CCSER1: variants seen among roughly 807,000 people sequenced by gnomAD.
CCSER1 encodes serine-rich coiled-coil domain-containing protein 1.
In CCSER1, 41 loss-of-function variants were observed where a neutral mutation model predicts 82.0. That is an observed-to-expected ratio of 0.50 (90% confidence interval 0.39 to 0.65). The LOEUF is 0.65. Among genes scored for constraint, CCSER1 ranks in the 30% least tolerant of loss-of-function variants. The pLI, the probability that CCSER1 is intolerant of heterozygous loss-of-function variation, is 0.00. For missense variants in CCSER1, 1,119 were observed against 1,064.2 expected, an observed-to-expected ratio of 1.05 and a Z score of -0.72; for synonymous variants, 414 against 383.9, an observed-to-expected ratio of 1.08 and a Z score of -0.92.
intron 10 of CCSER1, among the ~76,000 whole-genome samples, chr4:91,201,145 C>T (rs1193568231): frequency 6.6e-6 from 1 of 151,972 alleles, no homozygotes; most frequent in East Asian, 1.9e-4. Flanking sequence ...ATGGTGCTCC[C>T]TACATAACTA....
intron 10 of CCSER1, among the ~76,000 whole-genome samples, chr4:91,392,663 G>A (rs1361539240): frequency 2.0e-5 from 3 of 152,084 alleles, no homozygotes; most frequent in Middle Eastern, 3.4e-3. Flanking sequence ...TGTAAAACAT[G>A]CACATTTTTT....
At chr4:90,768,070 T>C (rs1399968616) in intron 7 of CCSER1, among the ~76,000 whole-genome samples, 1 of 152,166 alleles carries the variant, frequency 6.6e-6, no homozygotes, top group Admixed American at 6.5e-5. Context: ...TCCACATGAA[T>C]AGAATATGGA....
intron 1 of CCSER1, among the ~76,000 whole-genome samples, chr4:90,137,936 C>T (rs571359245): frequency 6.6e-6 from 1 of 152,322 alleles, no homozygotes; most frequent in East Asian, 1.9e-4. Context: ...CATCTCAATT[C>T]CACATAAGAA....
Position 90,127,593 on chromosome 4 carries a change from A to G in CCSER1, c.-280A>G, listed in dbSNP as rs1446589928. 1 of 152,844 alleles carries G rather than the reference A, an allele frequency of 6.5e-6. No individual in the cohort carries two copies. The highest frequency in any genetic ancestry group is 1.5e-5 in the Non-Finnish European group (1 of 68,542). 9.5% of individuals were successfully genotyped at this position (152,844 alleles called of 1,614,324 possible). ...CCTCTCTCTCTCTCTCTGTCTCAAC[A>G]TGACTGACTGGGAAGCGGTGGCTCG... On this transcript the variant is annotated 5_prime_UTR_variant, in exon 1 of 11. The change abolishes an upstream ATG in the 5' untranslated region. Coordinates refer to ENST00000509176, the MANE Select transcript of CCSER1 (RefSeq NM_001145065.2).
chr4:91,392,389 A>ACACACACACT (rs1211760108), intron 10 of CCSER1, among the ~76,000 whole-genome samples: 1 of 151,904 alleles, frequency 6.6e-6, no homozygotes, highest in South Asian at 2.1e-4. Flanking sequence ...ACACACACAC[A>ACACACACACT]CTTACACATT....
At chr4:90,607,227 T>C (rs1281109572) in intron 5 of CCSER1, among the ~76,000 whole-genome samples, 1 of 152,186 alleles carries the variant, frequency 6.6e-6, no homozygotes, top group African/African-American at 2.4e-5. Context: ...CCGTTGGCTG[T>C]TTTTAGACAT....
chr4:90,352,771 AT>A (rs1743721746), intron 3 of CCSER1, among the ~76,000 whole-genome samples: 1 of 152,134 alleles, frequency 6.6e-6, no homozygotes, highest in African/African-American at 2.4e-5. Flanking sequence ...TTCCTGTAAA[AT>A]GGGGGAATAA....
chr4:91,107,839 G>C (rs1480084501), intron 10 of CCSER1, among the ~76,000 whole-genome samples: 2 of 152,066 alleles, frequency 1.3e-5, no homozygotes, highest in Non-Finnish European at 2.9e-5. Flanking sequence ...TTAAGGTTGG[G>C]CAGTGCTGGG....
intron 5 of CCSER1, among the ~76,000 whole-genome samples, chr4:90,568,185 T>C (rs1460201949): frequency 1.3e-5 from 2 of 152,226 alleles, no homozygotes; most frequent in Non-Finnish European, 2.9e-5. Context: ...ATTTAGTTGA[T>C]CTAGATTATA....
chr4:90,347,311 C>CTCTA (rs35636292), intron 3 of CCSER1, among the ~76,000 whole-genome samples: 54,637 of 148,498 alleles, frequency 0.37, 10,079 homozygotes, highest in Middle Eastern at 0.53. Flanking sequence ...TTAACATAAG[C>CTCTA]TCTATCTATC....
intron 8 of CCSER1, among the ~76,000 whole-genome samples, chr4:90,876,186 C>T (rs1418501257): frequency 6.6e-6 from 1 of 152,018 alleles, no homozygotes; most frequent in Admixed American, 6.6e-5. Context: ...GAAAAGCTGT[C>T]TTTTCACTCA....
At position 90,959,330 on chromosome 4, in the gene CCSER1, C is replaced by G. The variant is rs544603511; in HGVS notation, c.2172+35883C>G. ...ATACGGGTTAATCATTGTGATTATT[C>G]TATTTCTTGGCCACCTACTCTATGC... On this transcript the variant is annotated intron_variant, in intron 9 of 10. Transcript: ENST00000509176. 2.5e-4 allele frequency among the ~76,000 whole-genome samples: 38 copies of G among 152,210 alleles called. No individual in the cohort carries two copies. In the South Asian group the frequency reaches 7.7e-3, roughly 31 times the overall value.
chr4:90,263,809 G>A (rs1253687411), intron 1 of CCSER1, among the ~76,000 whole-genome samples: 1 of 152,118 alleles, frequency 6.6e-6, no homozygotes, highest in Non-Finnish European at 1.5e-5. Context: ...TAGGGCCAGT[G>A]GAGGGGCATG....
At chr4:91,241,965 C>T (rs918338950) in intron 10 of CCSER1, among the ~76,000 whole-genome samples, 11 of 144,028 alleles carry the variant, frequency 7.6e-5, no homozygotes, top group Non-Finnish European at 1.2e-4. Context: ...CAACTGTGTG[C>T]GTATATATAT....
intron 5 of CCSER1, among the ~76,000 whole-genome samples, chr4:90,506,953 G>C (rs973629609): frequency 6.6e-6 from 1 of 152,048 alleles, no homozygotes; most frequent in East Asian, 1.9e-4. Context: ...TAAATGAATA[G>C]ATTTGGTTGA....
chr4:90,270,926 G>A (rs942528319), intron 1 of CCSER1, among the ~76,000 whole-genome samples: 1 of 151,700 alleles, frequency 6.6e-6, no homozygotes, highest in Non-Finnish European at 1.5e-5. Flanking sequence ...AGGAATTAAT[G>A]TAGCCAAAGA....
chr4:91,378,857 T>A (rs2149333998), intron 10 of CCSER1, among the ~76,000 whole-genome samples: 1 of 152,284 alleles, frequency 6.6e-6, no homozygotes, highest in South Asian at 2.1e-4. Context: ...TTCCAGTTTT[T>A]GCCCATTCAG....
intron 1 of CCSER1, among the ~76,000 whole-genome samples, chr4:90,303,114 A>G (rs979370028): frequency 2.0e-5 from 3 of 152,222 alleles, no homozygotes; most frequent in Non-Finnish European, 2.9e-5. Flanking sequence ...AGGTTATTCA[A>G]TAATGTGCAG....
At chr4:90,847,855 A>G (rs1763401002) in intron 8 of CCSER1, among the ~76,000 whole-genome samples, 1 of 152,072 alleles carries the variant, frequency 6.6e-6, no homozygotes, top group Admixed American at 6.6e-5. Context: ...TGCTATAGAT[A>G]TGCAGTTTTT....
Sources: gnomAD v4.1 joint callset for allele counts (sites outside exome capture counted in the v4.1 genomes callset) on GRCh38, gnomAD v4.1.1 for gene constraint, MANE v1.5 for transcripts, NCBI Gene and HGNC (gene_info 2026-07-23, HGNC 2026-07-21) for gene names.